EML6: variants seen among roughly 807,000 people sequenced by gnomAD.
EML6 encodes echinoderm microtubule-associated protein-like 6.
EML6 carries 154 observed loss-of-function variants against 240.1 expected under a neutral mutation model. That is an observed-to-expected ratio of 0.64 (90% CI 0.56 to 0.73). EML6 has a LOEUF of 0.73. Among genes scored for constraint, EML6 ranks in the 30% least tolerant of loss-of-function variants. EML6 has a pLI of 0.00. For missense variants in EML6, 2,964 were observed against 2,474.6 expected (o/e 1.20, Z -4.20); for synonymous variants, 1,148 against 899.0 (o/e 1.28, Z -4.95).
intron 15 of EML6, among the ~76,000 whole-genome samples, chr2:54,869,622 G>T (rs1671150132): frequency 6.6e-6 from 1 of 152,172 alleles, no homozygotes; most frequent in South Asian, 2.1e-4. Flanking sequence ...AACTAAAATG[G>T]TGAAAGTTTT....
chr2:54,873,279 T>C (rs989466459), intron 16 of EML6, among the ~76,000 whole-genome samples: 5 of 152,230 alleles, frequency 3.3e-5, no homozygotes, highest in African/African-American at 1.2e-4. Context: ...TTAGAAGTTA[T>C]TCAGTGCCTT....
intron 2 of EML6, among the ~76,000 whole-genome samples, chr2:54,772,867 C>T (rs1417963559): frequency 6.6e-6 from 1 of 152,200 alleles, no homozygotes. Flanking sequence ...TCAGAGTCCA[C>T]GTGTACAATT....
intron 16 of EML6, among the ~76,000 whole-genome samples, chr2:54,878,971 C>A (rs193182264): frequency 6.6e-6 from 1 of 152,122 alleles, no homozygotes; most frequent in East Asian, 1.9e-4. Flanking sequence ...AACAAGTACA[C>A]TACATTTGAA....
At chr2:54,886,226 C>T (rs371929531) in intron 17 of EML6, among the ~76,000 whole-genome samples, 30 of 128,044 alleles carry the variant, frequency 2.3e-4, no homozygotes, top group African/African-American at 8.1e-4. Context: ...AGTGCAGTGG[C>T]GTGATCTTGG....
chr2:54,766,845 A>G (rs1572872819), intron 2 of EML6, among the ~76,000 whole-genome samples: 1 of 152,096 alleles, frequency 6.6e-6, no homozygotes, highest in Non-Finnish European at 1.5e-5. Context: ...CTTCAGAATT[A>G]TCTCCTAATT....
chr2:54,862,334 T>A (rs1466805581), intron 12 of EML6, among the ~76,000 whole-genome samples: 1 of 80,230 alleles, frequency 1.2e-5, no homozygotes, highest in Non-Finnish European at 2.1e-5. Context: ...CATGACTCCA[T>A]CTCTAAAAAA....
chr2:54,741,977 T>C (rs1683658235), intron 2 of EML6, among the ~76,000 whole-genome samples: 1 of 152,112 alleles, frequency 6.6e-6, no homozygotes, highest in Non-Finnish European at 1.5e-5. Flanking sequence ...ATAGTTAATA[T>C]TTACAAAGGA....
chr2:54,847,801 A>G (rs2103719728), intron 9 of EML6, among the ~76,000 whole-genome samples, 178 bp downstream of exon 9: 1 of 152,352 alleles, frequency 6.6e-6, no homozygotes, highest in South Asian at 2.1e-4. Flanking sequence ...CTGAAAATAC[A>G]AAATTATTTG....
intron 12 of EML6, among the ~76,000 whole-genome samples, chr2:54,861,797 C>A (rs1394098656): frequency 6.8e-6 from 1 of 147,354 alleles, no homozygotes; most frequent in African/African-American, 2.5e-5. Flanking sequence ...ATCTAATGCA[C>A]AGAAACCAAC....
In EML6 at chr2:54,971,576, T is replaced by G. The variant is rs529427335; in HGVS notation, c.*1481T>G. ...CAGCATTCTAAATGGATTAGATCACTCATTAAGCTATTTTTATATGCCAAT... is the reference window on the plus strand; with the variant it reads ...CAGCATTCTAAATGGATTAGATCACGCATTAAGCTATTTTTATATGCCAAT... On this transcript the variant is annotated 3_prime_UTR_variant, in exon 42 of 42. Transcript: ENST00000356458. 1 of 152,366 alleles carries G rather than the reference T, an allele frequency of 6.6e-6. No homozygotes were observed. Among genetic ancestry groups the G allele is most frequent in the African/African-American group, 2.4e-5 (1 of 41,594 alleles). 9.4% of individuals were successfully genotyped at this position (152,366 alleles called of 1,614,324 possible).
At position 54,968,776 on chromosome 2, in the gene EML6, C is replaced by T. The variant is rs190849582; in HGVS notation, c.5852+8C>T. 2.2e-5 allele frequency: 32 copies of T among 1,453,882 alleles called. No individual in the cohort carries two copies. The highest frequency in any genetic ancestry group is 5.6e-5 in the African/African-American group (4 of 71,258). The allele number at this position is 1,453,882 out of a possible 1,614,324, so 90.1% of individuals were successfully genotyped here. The stretch of plus-strand genomic sequence containing the variant: ...TGGAGGAGACGACTGCAGGTACTAA[C>T]GTAGCTGACCCAGTTCTTACTCCAC... On this transcript the variant is annotated splice_region_variant and intron_variant, in intron 41 of 41. Transcript: ENST00000356458.
intron 2 of EML6, among the ~76,000 whole-genome samples, chr2:54,772,045 C>T (rs1369151170): frequency 6.6e-6 from 1 of 152,218 alleles, no homozygotes. Flanking sequence ...ATGCTTTATG[C>T]TGCAGGAACA....
intron 30 of EML6, among the ~76,000 whole-genome samples, 166 bp downstream of exon 30, chr2:54,950,945 C>T (rs1675943628): frequency 6.6e-6 from 1 of 152,138 alleles, no homozygotes; most frequent in South Asian, 2.1e-4. Context: ...GGTTCAGTTA[C>T]CAGAGTCAGA....
intron 2 of EML6, among the ~76,000 whole-genome samples, chr2:54,750,914 G>C (rs1405896132): frequency 6.6e-6 from 1 of 152,142 alleles, no homozygotes; most frequent in East Asian, 1.9e-4. Flanking sequence ...ACATGGGATG[G>C]GGAAGGGCCA....
At chr2:54,893,326 G>A (rs1672578822) in intron 19 of EML6, among the ~76,000 whole-genome samples, 1 of 152,118 alleles carries the variant, frequency 6.6e-6, no homozygotes, top group African/African-American at 2.4e-5. Context: ...TCTGGAGGCT[G>A]GGAAGTCCAA....
At chr2:54,824,394 T>C (rs1668488261) in intron 5 of EML6, among the ~76,000 whole-genome samples, 1 of 152,198 alleles carries the variant, frequency 6.6e-6, no homozygotes, top group African/African-American at 2.4e-5. Context: ...AGAAATATAA[T>C]ACATTTAAGC....
chr2:54,901,692 C>T (rs927661857), intron 22 of EML6, among the ~76,000 whole-genome samples: 1 of 152,184 alleles, frequency 6.6e-6, no homozygotes, highest in African/African-American at 2.4e-5. Flanking sequence ...TGTCTCAGTA[C>T]TGGCACGTCA....
Position 54,899,840 on chromosome 2 carries a change from T to C in EML6, c.3124+58T>C, listed in dbSNP as rs1272209322. On this transcript the variant is annotated intron_variant, in intron 22 of 41. Transcript: ENST00000356458. Reference sequence around the variant, plus strand: ...TATTTACAAGTAACAGAATGTGTCATATTTATTCACTCAGTTAATATTTAC... The same window carrying C: ...TATTTACAAGTAACAGAATGTGTCACATTTATTCACTCAGTTAATATTTAC... 8.1e-6 allele frequency: 12 copies of C among 1,475,698 alleles called. No homozygotes were observed. In the Admixed American group the frequency reaches 2.2e-4, roughly 26 times the overall value. The allele number at this position is 1,475,698 out of a possible 1,614,324, so 91.4% of individuals were successfully genotyped here.
At chr2:54,843,818 C>T (rs1278755232) in intron 7 of EML6, among the ~76,000 whole-genome samples, 1 of 134,602 alleles carries the variant, frequency 7.4e-6, no homozygotes, top group Non-Finnish European at 1.5e-5. Context: ...ACTCTATAGT[C>T]TGGGTGACAG....
Sources: gnomAD v4.1 joint callset for allele counts (sites outside exome capture counted in the v4.1 genomes callset) on GRCh38, gnomAD v4.1.1 for gene constraint, MANE v1.5 for transcripts, NCBI Gene and HGNC (gene_info 2026-07-23, HGNC 2026-07-21) for gene names.